LEPR: variants seen among roughly 807,000 people sequenced by gnomAD.
LEPR encodes OB receptor.
Under a neutral mutation model 114.7 loss-of-function variants are expected in LEPR, and 56 were observed. That is an observed-to-expected ratio of 0.49 (90% CI 0.39 to 0.61). The LOEUF (loss-of-function observed/expected upper bound fraction) is 0.61, where lower values mean the gene tolerates loss of function less well. Ranked by LOEUF, LEPR falls within the 20% of genes least tolerant of loss-of-function variation. The pLI, the probability that LEPR is intolerant of heterozygous loss-of-function variation, is 0.00. For missense variants in LEPR, 1,202 were observed against 1,352.9 expected (o/e 0.89, Z 1.75); for synonymous variants, 443 against 461.4 (o/e 0.96, Z 0.51).
intron 4 of LEPR, 71 bp from the exon 5 acceptor site, chr1:65,572,255 A>C (rs1654237404): frequency 7.1e-7 from 1 of 1,414,496 alleles, no homozygotes; most frequent in Admixed American, 3.0e-5. Flanking sequence ...TCTTTCACTG[A>C]GTTGTTCAGA....
intron 19 of LEPR, chr1:65,635,230 C>CATATTTT (rs1403649399): frequency 2.1e-6 from 2 of 975,286 alleles, no homozygotes; most frequent in African/African-American, 3.5e-5. Context: ...ATAAGCTGAA[C>CATATTTT]ACATTTTCTA....
At position 65,633,555 on chromosome 1, in the gene LEPR, G is replaced by A; in HGVS notation, c.2674-2636G>A. 9.9e-7 allele frequency: 1 copy of A among 1,007,912 alleles called. No homozygotes were observed. Among genetic ancestry groups the A allele is most frequent in the Non-Finnish European group, 1.2e-6 (1 of 843,924 alleles). 62.4% of individuals were successfully genotyped at this position (1,007,912 alleles called of 1,614,324 possible). A position where few individuals can be genotyped will look rare whatever the true frequency, so the allele number is the denominator to read the frequency against. On this transcript the variant is annotated intron_variant, in intron 19 of 19. Transcript: ENST00000349533. The surrounding 1 kb of genome is among the most constrained non-coding windows in gnomAD (Gnocchi z 4.1). ...GTAGTAGACAATGCTGTAATTAGGT[G>A]AACTCTAAAACTGCAACATCTGACA... is the stretch of plus-strand genomic sequence containing the variant.
chr1:65,566,557 G>C (rs1256079178), intron 3 of LEPR, among the ~76,000 whole-genome samples: 2 of 152,114 alleles, frequency 1.3e-5, no homozygotes, highest in African/African-American at 4.8e-5. Flanking sequence ...ACCACATTCT[G>C]GTGACATTCT....
At chr1:65,595,488 CT>C (rs1656004661) in intron 6 of LEPR, among the ~76,000 whole-genome samples, 1 of 151,748 alleles carries the variant, frequency 6.6e-6, no homozygotes, top group African/African-American at 2.4e-5. Context: ...TAAATTTCAC[CT>C]GCTGTTTCCA....
intron 2 of LEPR, chr1:65,494,178 C>T (rs1383526109): frequency 6.6e-6 from 1 of 152,116 alleles, no homozygotes; most frequent in Non-Finnish European, 1.5e-5. Flanking sequence ...CAATAAATAA[C>T]TTGCAACTTC....
chr1:65,632,923 A>G (rs1658582481), intron 19 of LEPR, among the ~76,000 whole-genome samples: 1 of 151,716 alleles, frequency 6.6e-6, no homozygotes, highest in South Asian at 2.1e-4. Context: ...TCCTGGGGTA[A>G]TTAAAGCTGT....
intron 2 of LEPR, among the ~76,000 whole-genome samples, chr1:65,487,828 A>G (rs1485457819): frequency 6.6e-6 from 1 of 152,064 alleles, no homozygotes; most frequent in Non-Finnish European, 1.5e-5. Flanking sequence ...CATCACTTCA[A>G]GCATGTATTA....
intron 2 of LEPR, among the ~76,000 whole-genome samples, chr1:65,536,572 T>C (rs1245964456): frequency 6.6e-6 from 1 of 152,198 alleles, no homozygotes; most frequent in Non-Finnish European, 1.5e-5. Flanking sequence ...TTTATACTTA[T>C]TCAGATAGCT....
chr1:65,587,879 G>A (rs1437080019), intron 5 of LEPR, among the ~76,000 whole-genome samples: 1 of 151,968 alleles, frequency 6.6e-6, no homozygotes, highest in African/African-American at 2.4e-5. Context: ...TCATATATAT[G>A]CTAGTTTATT....
At chr1:65,434,528 C>T in intron 2 of LEPR, 1 of 984,922 alleles carries the variant, frequency 1.0e-6, no homozygotes, top group Non-Finnish European at 1.2e-6. Context: ...GTTCCCAGGC[C>T]AAGCCTCCCT....
intron 19 of LEPR, chr1:65,634,217 C>A (rs558853745): frequency 3.8e-5 from 37 of 962,080 alleles, no homozygotes; most frequent in South Asian, 4.8e-5. Context: ...ATTATATATG[C>A]GTATATATGT....
chr1:65,451,391 T>C (rs1207669195), intron 2 of LEPR, among the ~76,000 whole-genome samples: 1 of 152,096 alleles, frequency 6.6e-6, no homozygotes, highest in Admixed American at 6.5e-5. Context: ...GGTTTTCTTC[T>C]AGGGTTTTTA....
chr1:65,601,793 AT>A, intron 9 of LEPR, 49 bp from the exon 10 acceptor site: 1 of 1,581,434 alleles, frequency 6.3e-7, no homozygotes, highest in Non-Finnish European at 8.6e-7. Flanking sequence ...TTTTCATTGA[AT>A]TTTTTGGAGT....
At chr1:65,486,187 A>C (rs1398022614) in intron 2 of LEPR, among the ~76,000 whole-genome samples, 1 of 152,148 alleles carries the variant, frequency 6.6e-6, no homozygotes, top group Non-Finnish European at 1.5e-5. Flanking sequence ...CTGCCTTTGA[A>C]AGCAGAACAG....
chr1:65,599,771 C>CA (rs1352339669), intron 8 of LEPR, among the ~76,000 whole-genome samples: 1 of 151,658 alleles, frequency 6.6e-6, no homozygotes, highest in Non-Finnish European at 1.5e-5. Context: ...TGAAGAAAAC[C>CA]ATTATTGTTT....
chr1:65,517,236 T>C (rs1180445), intron 2 of LEPR, among the ~76,000 whole-genome samples: 31,251 of 152,182 alleles, frequency 0.21, 3,591 homozygotes, highest in Middle Eastern at 0.34. Flanking sequence ...ACCTGAAAGA[T>C]TCATACACAA....
In LEPR at chr1:65,550,377, G is replaced by A. The variant is rs182996316; in HGVS notation, c.-20-15169G>A. On this transcript the variant is annotated intron_variant, in intron 2 of 19. Transcript: ENST00000349533. ...GACAGGAACATTTAAGTCTGCAGAG[G>A]TTACTGCTGTCTTTTTGTTTGTCTG... Among the ~76,000 whole-genome samples the A allele has an allele frequency of 4.2e-3, 633 of 152,316 alleles. 5 individuals are homozygous for A. The highest frequency in any genetic ancestry group is 9.1e-3 in the Admixed American group (140 of 15,312).
At chr1:65,547,685 G>C (rs1346938941) in intron 2 of LEPR, among the ~76,000 whole-genome samples, 2 of 150,612 alleles carry the variant, frequency 1.3e-5, no homozygotes, top group Non-Finnish European at 3.0e-5. Context: ...GCATCTATTT[G>C]ATTCTTCTCT....
chr1:65,636,813 G>T lies in LEPR; in HGVS notation c.3296G>T (p.Arg1099Met). Residue 1099 changes from arginine to methionine, a missense_variant, in exon 20 of 20, where the codon AGG (arginine) becomes ATG (methionine). Transcript: ENST00000349533. ...GGTGTGCTTTTGACTGACAAGTCAA[G>T]GGTATCGTGCCCATTCCCAGCCCCC... ...ESGVLLTDKS[R>M]VSCPFPAPCL... 1 of 1,614,002 alleles carries T rather than the reference G, an allele frequency of 6.2e-7. No homozygotes were observed. The highest frequency in any genetic ancestry group is 8.5e-7 in the Non-Finnish European group (1 of 1,179,972).
Sources: gnomAD v4.1 joint callset for allele counts (sites outside exome capture counted in the v4.1 genomes callset) on GRCh38, gnomAD v4.1.1 for gene constraint, Gnocchi (gnomAD v3.1) non-coding constraint, MANE v1.5 for transcripts, NCBI Gene and HGNC (gene_info 2026-07-23, HGNC 2026-07-21) for gene names.